PKHD1L1: variants seen among roughly 807,000 people sequenced by gnomAD.
The protein encoded by PKHD1L1 is fibrocystin-L.
Under a neutral mutation model 462.9 loss-of-function variants are expected in PKHD1L1, and 434 were observed. That is an observed-to-expected ratio of 0.94 (90% CI 0.87 to 1.02). PKHD1L1 has a LOEUF of 1.02. Among genes scored for constraint, PKHD1L1 ranks in the 50% least tolerant of loss-of-function variants. PKHD1L1 has a pLI of 0.00. For missense variants in PKHD1L1, 5,202 were observed against 5,096.1 expected, an observed-to-expected ratio of 1.02 and a Z score of -0.63; for synonymous variants, 1,781 against 1,750.0, an observed-to-expected ratio of 1.02 and a Z score of -0.44.
At chr8:109,429,265 G>T in intron 25 of PKHD1L1, 75 bp from the exon 26 acceptor site, 1 of 1,278,464 alleles carries the variant, frequency 7.8e-7, no homozygotes, top group Admixed American at 2.8e-5. Flanking sequence ...TGCCTATGCT[G>T]AAATTTAAAA....
intron 15 of PKHD1L1, 131 bp downstream of exon 15, chr8:109,404,844 C>A: frequency 8.5e-7 from 1 of 1,173,996 alleles, no homozygotes. Flanking sequence ...TAAATTATGA[C>A]TTTGAGTATT....
At chr8:109,391,276 G>C (rs995432867) in intron 9 of PKHD1L1, among the ~76,000 whole-genome samples, 1 of 152,200 alleles carries the variant, frequency 6.6e-6, no homozygotes, top group Non-Finnish European at 1.5e-5. Context: ...TTTTCAGCTA[G>C]TAGGAAGCAG....
chr8:109,383,376 G>A (rs1182718012), intron 4 of PKHD1L1, among the ~76,000 whole-genome samples: 11 of 105,498 alleles, frequency 1.0e-4, no homozygotes, highest in African/African-American at 3.8e-4. Context: ...ATATTATATA[G>A]TATGTATATT....
intron 46 of PKHD1L1, 71 bp from the exon 47 acceptor site, chr8:109,459,524 C>T: frequency 1.6e-6 from 2 of 1,239,258 alleles, no homozygotes; most frequent in Non-Finnish European, 1.1e-6. Context: ...ATGAATAAAA[C>T]AAATATACCA....
chr8:109,368,254 A>G (rs1811326857), intron 2 of PKHD1L1, among the ~76,000 whole-genome samples: 1 of 152,116 alleles, frequency 6.6e-6, no homozygotes, highest in African/African-American at 2.4e-5. Flanking sequence ...TGGCACACAC[A>G]TTTTTGTTGA....
chr8:109,458,353 T>C (rs1037209091), intron 46 of PKHD1L1, among the ~76,000 whole-genome samples: 3 of 152,104 alleles, frequency 2.0e-5, no homozygotes, highest in Non-Finnish European at 4.4e-5. Flanking sequence ...TCTTCCTCTT[T>C]GGGCTCCATT....
chr8:109,521,326 A>G (rs1014953522), intron 73 of PKHD1L1, among the ~76,000 whole-genome samples: 10 of 152,206 alleles, frequency 6.6e-5, no homozygotes, highest in Non-Finnish European at 1.2e-4. Flanking sequence ...ACAAGGGATT[A>G]GCAAGGCCTG....
intron 26 of PKHD1L1, 115 bp downstream of exon 26, chr8:109,429,577 A>G: frequency 1.0e-6 from 1 of 983,696 alleles, no homozygotes; most frequent in South Asian, 1.6e-5. Flanking sequence ...TCATGGGAAC[A>G]TTTGTCTTAA....
At chr8:109,514,982 A>C (rs1048800442) in intron 71 of PKHD1L1, among the ~76,000 whole-genome samples, 188 bp from the exon 72 acceptor site, 7 of 152,112 alleles carry the variant, frequency 4.6e-5, no homozygotes, top group Non-Finnish European at 1.5e-5. Context: ...TTAAGGGTTA[A>C]GTTGTACTAT....
chr8:109,442,910 C>T lies in PKHD1L1; in HGVS notation c.4394-36C>T, dbSNP rs771195778. On this transcript the variant is annotated intron_variant, in intron 35 of 77. Transcript: ENST00000378402. ...TCTCTTTTCAAATATGCATTAATTG[C>T]TTATATTTATTACGTACAATCTCAT... 14 of 1,584,936 alleles carry T rather than the reference C, an allele frequency of 8.8e-6. No homozygotes were observed. In the Middle Eastern group the frequency reaches 5.0e-4, roughly 57 times the overall value.
Position 109,452,250 on chromosome 8 carries a change from C to T in PKHD1L1, c.6477C>T (p.Val2159=). Residue 2159 remains valine, a synonymous_variant, in exon 42 of 78, where the codon GTC becomes GTT. Transcript: ENST00000378402. The part of the protein sequence containing the change: ...HTLSGWAPVC[V]HIRGVGMAKL... ...TATCAGGGTGGGCTCCAGTTTGTGT[C>T]CACATCAGAGGTGTCGGCATGGCCA... The T allele has an allele frequency of 6.2e-7, 1 of 1,610,490 alleles. No individual in the cohort carries two copies. The highest frequency in any genetic ancestry group is 1.7e-4 in the Middle Eastern group (1 of 6,052).
Position 109,465,219 on chromosome 8 carries a change from T to C in PKHD1L1, c.8387T>C (p.Met2796Thr). Reference sequence around the variant, plus strand: ...TTTCGCTGGGAACATGAAATGGTAATGATTGATGTTGATGGCTCACTTACA... The same window carrying C: ...TTTCGCTGGGAACATGAAATGGTAACGATTGATGTTGATGGCTCACTTACA... ...AGFRWEHEMV[M>T]IDVDGSLTGH... The change falls in exon 49 of 78, where the codon ATG becomes ACG. Residue 2796 changes from methionine to threonine, a missense_variant. Transcript: ENST00000378402. 1 of 1,613,086 alleles carries C rather than the reference T, an allele frequency of 6.2e-7. No homozygotes were observed. Among genetic ancestry groups the C allele is most frequent in the Non-Finnish European group, 8.5e-7 (1 of 1,179,390 alleles).
intron 28 of PKHD1L1, among the ~76,000 whole-genome samples, chr8:109,433,548 G>T (rs1337062210): frequency 6.6e-6 from 1 of 151,970 alleles, no homozygotes; most frequent in Non-Finnish European, 1.5e-5. Flanking sequence ...TGCTTCTCTT[G>T]TGTTCCATGG....
At position 109,454,759 on chromosome 8, in the gene PKHD1L1, G is replaced by C. The variant is rs551816889; in HGVS notation, c.6781G>C (p.Val2261Leu). ...GACATCCCCATTCCAACACAAGGCTGTCATTACCTTGCATGGTCACCTGCG... is the reference window on the plus strand; with the variant it reads ...GACATCCCCATTCCAACACAAGGCTCTCATTACCTTGCATGGTCACCTGCG... ...TETSPFQHKA[V>L]ITLHGHLRSP... The change falls in exon 45 of 78, where the codon GTC becomes CTC. Residue 2261 changes from valine to leucine, a missense_variant. This residue lies in a region of PKHD1L1 where 4,497 missense variants were observed against 4,336.8 expected (regional missense o/e 1.04). Transcript: ENST00000378402. 5.0e-6 allele frequency: 8 copies of C among 1,613,806 alleles called. No individual in the cohort carries two copies. In the South Asian group the frequency reaches 7.7e-5, roughly 16 times the overall value.
chr8:109,477,516 G>A, intron 53 of PKHD1L1, 120 bp downstream of exon 53: 1 of 902,996 alleles, frequency 1.1e-6, no homozygotes, highest in Non-Finnish European at 1.5e-6. Flanking sequence ...AGGTTACAAA[G>A]TACTTTCACA....
intron 16 of PKHD1L1, among the ~76,000 whole-genome samples, chr8:109,405,897 A>G (rs1813511657): frequency 6.6e-6 from 1 of 152,206 alleles, no homozygotes; most frequent in African/African-American, 2.4e-5. Context: ...ATCATTGCAC[A>G]GAAGTAAACA....
chr8:109,422,429 G>A (rs991506571), intron 23 of PKHD1L1, among the ~76,000 whole-genome samples: 1 of 152,050 alleles, frequency 6.6e-6, no homozygotes, highest in Non-Finnish European at 1.5e-5. Context: ...TAATTTTGTC[G>A]TTTCAAGAAT....
In PKHD1L1 at chr8:109,443,735, C is replaced by G. The variant is rs201241025; in HGVS notation, c.4624C>G (p.Leu1542Val). The G allele has an allele frequency of 1.5e-4, 234 of 1,613,640 alleles. No homozygotes were observed. The highest frequency in any genetic ancestry group is 1.9e-4 in the Non-Finnish European group (221 of 1,179,774). ...GGCAGGCTGCCTAGCAACAGAACCC[C>G]TGTGCAGCCTGAACAATACCAGGGT... is the stretch of plus-strand genomic sequence containing the variant. ...SVAGCLATEP[L>V]CSLNNTRVKN... Residue 1542 changes from leucine (L) to valine (V), a missense_variant, in exon 37 of 78, where the codon CTG (leucine) becomes GTG (valine). Around this residue, in one of 3 missense-constraint regions of PKHD1L1, gnomAD observed 4,497 missense variants for 4,336.8 expected, o/e 1.04. Transcript: ENST00000378402.
rs201527462 is a variant in PKHD1L1 at position 109,530,480 on chromosome 8, G to GA, written c.*390_*391insA. On this transcript the variant is annotated 3_prime_UTR_variant, in exon 78 of 78. Coordinates refer to ENST00000378402, the MANE Select transcript of PKHD1L1 (RefSeq NM_177531.6). ...ATTCTTTTTAATACTTGAGGGGGGGGGTTCTTATTTTCTCTATCCATTTAC... is the reference window on the plus strand; with the variant it reads ...ATTCTTTTTAATACTTGAGGGGGGGGAGTTCTTATTTTCTCTATCCATTTAC... 1,804 of 153,158 alleles carry GA rather than the reference G, an allele frequency of 0.012. 43 individuals are homozygous for GA. The highest frequency in any genetic ancestry group is 0.041 in the African/African-American group (1,699 of 41,350). The allele number at this position is 153,158 out of a possible 1,614,324, so 9.5% of individuals were successfully genotyped here.
Sources: allele counts gnomAD v4.1 joint callset (sites outside exome capture counted in the v4.1 genomes callset), GRCh38; gene constraint gnomAD v4.1.1; regional missense constraint gnomAD v4.1.1; transcripts MANE v1.5; gene names NCBI Gene and HGNC (gene_info 2026-07-23, HGNC 2026-07-21).